MACROD2: variants seen among roughly 807,000 people sequenced by gnomAD.
MACROD2 encodes ADP-ribose glycohydrolase MACROD2.
A neutral mutation model predicts 70.4 loss-of-function variants in MACROD2; 36 were observed. The observed-to-expected ratio is 0.51, with a 90% confidence interval of 0.39 to 0.68. MACROD2 has a LOEUF of 0.68. Ranked by LOEUF, MACROD2 falls within the 30% of genes least tolerant of loss-of-function variation. MACROD2 has a pLI of 0.00. For missense variants in MACROD2, 496 were observed against 538.4 expected, an observed-to-expected ratio of 0.92 and a Z score of 0.78; for synonymous variants, 172 against 178.8, an observed-to-expected ratio of 0.96 and a Z score of 0.30.
intron 3 of MACROD2, among the ~76,000 whole-genome samples, chr20:14,409,645 A>C (rs16994542): frequency 0.32 from 48,607 of 151,922 alleles, 8,001 homozygotes; most frequent in Admixed American, 0.4. Context: ...CAGCTGTCCC[A>C]TAGGCAGAGT....
At chr20:14,415,414 G>C (rs898721081) in intron 3 of MACROD2, among the ~76,000 whole-genome samples, 5 of 151,474 alleles carry the variant, frequency 3.3e-5, no homozygotes, top group Admixed American at 6.6e-5. Flanking sequence ...AGGTAACCAC[G>C]GCCAATTGTG....
chr20:15,666,108 C>T (rs181240605), intron 8 of MACROD2, among the ~76,000 whole-genome samples: 1 of 152,202 alleles, frequency 6.6e-6, no homozygotes, highest in Admixed American at 6.5e-5. Context: ...TATCTGCTGC[C>T]ATCTGATTTC....
intron 4 of MACROD2, among the ~76,000 whole-genome samples, chr20:14,560,127 C>T (rs936629938): frequency 6.6e-6 from 1 of 151,798 alleles, no homozygotes; most frequent in African/African-American, 2.4e-5. Context: ...AAAGAGGGGA[C>T]AAGAACTTGC....
In MACROD2 at chr20:15,530,718, A is replaced by C. The variant is rs2047786827; in HGVS notation, c.645+30871A>C. On this transcript the variant is annotated intron_variant, in intron 8 of 17. Transcript: ENST00000684519. ...TGACAGAGTGAGACTCCATCTCACA[A>C]AAAAAAAAAAAAAAAAAGATACTAT... Among the ~76,000 whole-genome samples the C allele has an allele frequency of 2.6e-5, 3 of 116,090 alleles. No individual in the cohort carries two copies. In the South Asian group the frequency reaches 8.8e-4, roughly 34 times the overall value. The allele number at this position is 116,090 out of a possible 152,430, so 76.2% of individuals were successfully genotyped here.
At chr20:15,478,982 A>AGG (rs1206129246) in intron 7 of MACROD2, among the ~76,000 whole-genome samples, 1 of 152,232 alleles carries the variant, frequency 6.6e-6, no homozygotes, top group African/African-American at 2.4e-5. Flanking sequence ...TGAACATTGC[A>AGG]GGCAGTGCTG....
intron 5 of MACROD2, among the ~76,000 whole-genome samples, chr20:14,923,965 A>C (rs2074196868): frequency 1.3e-5 from 2 of 152,176 alleles, no homozygotes; most frequent in South Asian, 4.1e-4. Context: ...GTTTACGAGC[A>C]AACCTTTTTG....
intron 5 of MACROD2, among the ~76,000 whole-genome samples, chr20:15,076,397 C>G (rs986140422): frequency 6.6e-6 from 1 of 152,034 alleles, no homozygotes; most frequent in African/African-American, 2.4e-5. Flanking sequence ...AAAAGATTTT[C>G]AATTAGTATA....
chr20:15,134,603 C>G (rs1465468361), intron 5 of MACROD2, among the ~76,000 whole-genome samples: 1 of 151,856 alleles, frequency 6.6e-6, no homozygotes, highest in African/African-American at 2.4e-5. Flanking sequence ...TAAATGCCCA[C>G]AAGAGAAAGC....
At chr20:15,787,121 G>A (rs868571899) in intron 8 of MACROD2, among the ~76,000 whole-genome samples, 10 of 151,926 alleles carry the variant, frequency 6.6e-5, no homozygotes, top group Non-Finnish European at 1.0e-4. Flanking sequence ...ACAGGCATGC[G>A]CCACCAAGCC....
intron 4 of MACROD2, among the ~76,000 whole-genome samples, chr20:14,523,831 G>A (rs532390619): frequency 6.6e-6 from 1 of 152,166 alleles, no homozygotes; most frequent in Non-Finnish European, 1.5e-5. Flanking sequence ...AGTATTTTGT[G>A]TCTATATGAG....
intron 4 of MACROD2, among the ~76,000 whole-genome samples, chr20:14,526,711 G>T (rs549914242): frequency 6.6e-6 from 1 of 152,332 alleles, no homozygotes; most frequent in East Asian, 1.9e-4. Flanking sequence ...GTGGGGGTGT[G>T]GCTCACTTCT....
intron 10 of MACROD2, among the ~76,000 whole-genome samples, chr20:15,901,490 C>G (rs769490289): frequency 3.0e-4 from 45 of 152,300 alleles, no homozygotes; most frequent in Non-Finnish European, 4.9e-4. Context: ...CGGTAAACAA[C>G]TGATACCGCA....
chr20:15,166,575 T>G (rs2076385385), intron 5 of MACROD2, among the ~76,000 whole-genome samples: 2 of 151,952 alleles, frequency 1.3e-5, no homozygotes, highest in South Asian at 4.1e-4. Flanking sequence ...TAAAATAATT[T>G]AAAGGAGACA....
chr20:15,386,364 A>T (rs2045712842), intron 6 of MACROD2, among the ~76,000 whole-genome samples: 1 of 152,134 alleles, frequency 6.6e-6, no homozygotes, highest in South Asian at 2.1e-4. Context: ...GTTGGGAGGG[A>T]GTTTAAAAAT....
At chr20:15,069,247 A>G (rs397032) in intron 5 of MACROD2, among the ~76,000 whole-genome samples, 29,555 of 152,182 alleles carry the variant, frequency 0.19, 3,445 homozygotes, top group Non-Finnish European at 0.26. Flanking sequence ...ATACATAGAT[A>G]TGGGAGCAAA....
In MACROD2 at chr20:15,884,247, A is replaced by G. The variant is rs77517867; in HGVS notation, c.728-1517A>G. Among the ~76,000 whole-genome samples, 465 of 152,202 alleles carry G rather than the reference A, an allele frequency of 3.1e-3. 3 individuals are homozygous for G. The highest frequency in any genetic ancestry group is 0.01 in the African/African-American group (431 of 41,564). On this transcript the variant is annotated intron_variant, in intron 9 of 17. Transcript: ENST00000684519. ...ACATGATTCATTCAAACCTGGGGAA[A>G]TCAGAAGCTATGGCACCTAAGCTTG...
chr20:15,016,389 A>G (rs1223948125), intron 5 of MACROD2, among the ~76,000 whole-genome samples: 1 of 152,124 alleles, frequency 6.6e-6, no homozygotes, highest in Non-Finnish European at 1.5e-5. Context: ...GAGCTGCTAC[A>G]GTCGATCCTG....
intron 5 of MACROD2, among the ~76,000 whole-genome samples, chr20:14,932,093 G>A (rs2074301337): frequency 6.6e-6 from 1 of 151,756 alleles, no homozygotes; most frequent in African/African-American, 2.4e-5. Flanking sequence ...AATAAAGGAA[G>A]CATAATAGAG....
chr20:14,688,212 G>T (rs1568739463), intron 5 of MACROD2, among the ~76,000 whole-genome samples: 1 of 152,074 alleles, frequency 6.6e-6, no homozygotes, highest in Non-Finnish European at 1.5e-5. Context: ...TCATTATAGG[G>T]GTACTAAAGC....
Sources: gnomAD v4.1 joint callset for allele counts (sites outside exome capture counted in the v4.1 genomes callset) on GRCh38, gnomAD v4.1.1 for gene constraint, MANE v1.5 for transcripts, NCBI Gene and HGNC (gene_info 2026-07-23, HGNC 2026-07-21) for gene names.